DUSP22: variants seen among roughly 807,000 people sequenced by gnomAD.
DUSP22 encodes dual specificity protein phosphatase 22.
A neutral mutation model predicts 24.5 loss-of-function variants in DUSP22; 24 were observed. That is an observed-to-expected ratio of 0.98 (90% CI 0.71 to 1.38). The LOEUF (loss-of-function observed/expected upper bound fraction) is 1.38. Among genes scored for constraint, DUSP22 ranks in the 40% most tolerant of loss-of-function variants. The pLI, the probability that DUSP22 is intolerant of heterozygous loss-of-function variation, is 0.00. For synonymous variants in DUSP22, 160 were observed against 106.4 expected (o/e 1.50, Z -3.10); for missense variants, 330 against 269.2 (o/e 1.23, Z -1.58).
At chr6:328,822 A>C (rs997531125) in intron 3 of DUSP22, among the ~76,000 whole-genome samples, 38 of 152,388 alleles carry the variant, frequency 2.5e-4, no homozygotes, top group African/African-American at 8.2e-4. Context: ...TGCAAACAAA[A>C]AAGAGAGGAG....
chr6:320,668 G>A (rs1270452081), intron 3 of DUSP22, among the ~76,000 whole-genome samples: 4 of 152,422 alleles, frequency 2.6e-5, no homozygotes, highest in East Asian at 3.9e-4. Context: ...AGAGAGGGGT[G>A]TTGAGGCAGC....
chr6:346,742 C>T (rs576987951), intron 5 of DUSP22, among the ~76,000 whole-genome samples: 34 of 152,420 alleles, frequency 2.2e-4, no homozygotes, highest in African/African-American at 5.5e-4. Flanking sequence ...TGACATTCCC[C>T]GAAACAGTTC....
intron 5 of DUSP22, 129 bp downstream of exon 5, chr6:346,057 C>T (rs560523600): frequency 2.0e-5 from 23 of 1,175,090 alleles, no homozygotes; most frequent in Admixed American, 6.6e-5. Context: ...GACTCTCAAA[C>T]GCGTGCTCCA....
intron 1 of DUSP22, among the ~76,000 whole-genome samples, chr6:304,351 G>A (rs1757722708): frequency 6.6e-6 from 1 of 152,308 alleles, no homozygotes; most frequent in Non-Finnish European, 1.5e-5. Flanking sequence ...CGGGGCAGGG[G>A]ACTTGGACCC....
chr6:318,196 G>A (rs529555933), intron 3 of DUSP22, among the ~76,000 whole-genome samples: 186 of 152,332 alleles, frequency 1.2e-3, no homozygotes, highest in African/African-American at 4.3e-3. Context: ...AATCTAGAGA[G>A]CTACCTTTGC....
intron 1 of DUSP22, among the ~76,000 whole-genome samples, chr6:294,075 T>C (rs1757215826): frequency 6.6e-6 from 1 of 152,300 alleles, no homozygotes; most frequent in Non-Finnish European, 1.5e-5. Context: ...ATTTAATTTA[T>C]AGTATTTGTG....
At chr6:308,721 A>G (rs1291717435) in intron 2 of DUSP22, among the ~76,000 whole-genome samples, 3 of 152,304 alleles carry the variant, frequency 2.0e-5, no homozygotes, top group Non-Finnish European at 2.9e-5. Flanking sequence ...GCTATTGTGC[A>G]GCCTTGTGAA....
At chr6:330,376 G>C (rs1180868433) in intron 3 of DUSP22, among the ~76,000 whole-genome samples, 1 of 152,304 alleles carries the variant, frequency 6.6e-6, no homozygotes, top group Non-Finnish European at 1.5e-5. Context: ...GCTTCTGAAG[G>C]GTTTATCTTC....
intron 2 of DUSP22, among the ~76,000 whole-genome samples, chr6:309,723 A>G (rs1757985266): frequency 6.8e-6 from 1 of 147,218 alleles, no homozygotes; most frequent in Non-Finnish European, 1.5e-5. Flanking sequence ...CACACATACT[A>G]TAAAGAAGGA....
At chr6:333,974 G>A (rs1464220095) in intron 3 of DUSP22, among the ~76,000 whole-genome samples, 1 of 152,308 alleles carries the variant, frequency 6.6e-6, no homozygotes, top group Admixed American at 6.5e-5. Flanking sequence ...ATTAGGGGCA[G>A]CTACACATTT....
intron 1 of DUSP22, among the ~76,000 whole-genome samples, chr6:299,950 G>C (rs1202844864): frequency 6.6e-6 from 1 of 152,290 alleles, no homozygotes; most frequent in Non-Finnish European, 1.5e-5. Context: ...TTGTCTGTTT[G>C]TTCACTCATT....
At chr6:340,142 T>C (rs891506064) in intron 4 of DUSP22, among the ~76,000 whole-genome samples, 1 of 152,310 alleles carries the variant, frequency 6.6e-6, no homozygotes, top group Non-Finnish European at 1.5e-5. Flanking sequence ...TAGTTTGCTT[T>C]TAAAAAGCCC....
chr6:308,247 A>G (rs987536181), intron 2 of DUSP22, among the ~76,000 whole-genome samples: 9 of 152,296 alleles, frequency 5.9e-5, no homozygotes, highest in Admixed American at 3.9e-4. Flanking sequence ...AGGAGGAGCT[A>G]GTTTGAAATG....
chr6:300,647 T>C (rs1278826383), intron 1 of DUSP22, among the ~76,000 whole-genome samples: 2 of 152,290 alleles, frequency 1.3e-5, no homozygotes, highest in Non-Finnish European at 2.9e-5. Flanking sequence ...GGAGGGTTCC[T>C]GGTTGAGCTG....
At chr6:315,133 C>T (rs551686062) in intron 3 of DUSP22, among the ~76,000 whole-genome samples, 5 of 152,306 alleles carry the variant, frequency 3.3e-5, no homozygotes, top group African/African-American at 4.8e-5. Flanking sequence ...AGGCCTATGT[C>T]TCCAATTACT....
At chr6:341,723 G>A (rs1199412781) in intron 4 of DUSP22, among the ~76,000 whole-genome samples, 2 of 152,308 alleles carry the variant, frequency 1.3e-5, no homozygotes, top group Non-Finnish European at 2.9e-5. Context: ...CCAACATGGT[G>A]GTGGATAGGA....
At position 350,082 on chromosome 6, in the gene DUSP22, A is replaced by T; in HGVS notation, c.*1131A>T. 6.1e-6 allele frequency: 6 copies of T among 985,704 alleles called. No homozygotes were observed. Among genetic ancestry groups the T allele is most frequent in the Non-Finnish European group, 7.2e-6 (6 of 830,064 alleles). 61.1% of individuals were successfully genotyped at this position (985,704 alleles called of 1,614,324 possible). The stretch of plus-strand genomic sequence containing the variant: ...GGTATTCACTTGGGTTTGATAATTG[A>T]TCTGAGCTACCTCATTGAATGTTTT... On this transcript the variant is annotated 3_prime_UTR_variant, in exon 7 of 7. Transcript: ENST00000419235.
chr6:335,690 T>A (rs946999291), intron 4 of DUSP22, among the ~76,000 whole-genome samples: 1 of 152,306 alleles, frequency 6.6e-6, no homozygotes, highest in Non-Finnish European at 1.5e-5. Flanking sequence ...TGAGCAAGTT[T>A]ATGTCCTTCT....
rs1430378666 is a variant in DUSP22, at chr6:349,277, A to T, written c.*326A>T. On this transcript the variant is annotated 3_prime_UTR_variant, in exon 7 of 7. Coordinates refer to ENST00000419235, the MANE Select transcript of DUSP22 (RefSeq NM_001286555.3). ...TGTGTGTGCCTGTGTGAGTGAGGGT[A>T]TGTGCACCTAAGTGTGTACATGTGT... 2 of 1,298,404 alleles carry T rather than the reference A, an allele frequency of 1.5e-6. No homozygotes were observed. Among genetic ancestry groups the T allele is most frequent in the East Asian group, 6.8e-5 (2 of 29,384 alleles). 80.4% of individuals were successfully genotyped at this position (1,298,404 alleles called of 1,614,324 possible). A position where few individuals can be genotyped will look rare whatever the true frequency, so the allele number is the denominator to read the frequency against.
Sources: allele counts gnomAD v4.1 joint callset (sites outside exome capture counted in the v4.1 genomes callset), GRCh38; gene constraint gnomAD v4.1.1; transcripts MANE v1.5; gene names NCBI Gene and HGNC (gene_info 2026-07-23, HGNC 2026-07-21).